The following UGT3A1 variants were observed in gnomAD, a reference collection of about 807,000 sequenced individuals.
UGT3A1 encodes UDP-glycosyltransferase 3A1.
A neutral mutation model predicts 37.6 loss-of-function variants in UGT3A1; 40 were observed. That is an observed-to-expected ratio of 1.06 (90% CI 0.83 to 1.38). The LOEUF is 1.38. UGT3A1 is among the 40% of genes most tolerant of loss of function. The pLI, the probability that UGT3A1 is intolerant of heterozygous loss-of-function variation, is 0.00. For missense variants in UGT3A1, 642 were observed against 634.2 expected, an observed-to-expected ratio of 1.01 and a Z score of -0.13; for synonymous variants, 256 against 232.3, an observed-to-expected ratio of 1.10 and a Z score of -0.93.
chr5:35,974,709 A>G (rs1264626842), intron 2 of UGT3A1, among the ~76,000 whole-genome samples: 1 of 152,216 alleles, frequency 6.6e-6, no homozygotes, highest in Admixed American at 6.5e-5. Context: ...ATATGCAACT[A>G]TTGATCTGGC....
At chr5:35,965,274 C>T (rs1739751606) in intron 4 of UGT3A1, 112 bp downstream of exon 4, 1 of 1,489,388 alleles carries the variant, frequency 6.7e-7, no homozygotes, top group Admixed American at 2.2e-5. Context: ...CTAGGTGCCT[C>T]CTTTGCCAAT....
upstream of UGT3A1, among the ~76,000 whole-genome samples, chr5:35,994,682 T>G (rs921023): frequency 0.74 from 113,106 of 151,948 alleles, 42,797 homozygotes; most frequent in South Asian, 0.89. Context: ...CCGCAACATG[T>G]GTGGACTGAA....
chr5:35,999,461 A>G (rs1358885417), intron 1 of UGT3A1, among the ~76,000 whole-genome samples: 1 of 152,180 alleles, frequency 6.6e-6, no homozygotes, highest in African/African-American at 2.4e-5. Context: ...ATGTTGAAAG[A>G]AACTGAGAGC....
At chr5:35,962,888 G>C in intron 4 of UGT3A1, 1 of 702,916 alleles carries the variant, frequency 1.4e-6, no homozygotes, top group Non-Finnish European at 2.6e-6. Context: ...AGCCATCTCA[G>C]TGGTTCAGGA....
At chr5:35,996,788 A>G (rs1741106638) in intron 2 of UGT3A1, among the ~76,000 whole-genome samples, 1 of 152,208 alleles carries the variant, frequency 6.6e-6, no homozygotes, top group Non-Finnish European at 1.5e-5. Context: ...AGAGAAGGAA[A>G]TATTAGGGGA....
intron 2 of UGT3A1, among the ~76,000 whole-genome samples, chr5:35,977,108 A>AAG (rs1476085623): frequency 2.0e-5 from 3 of 149,620 alleles, no homozygotes; most frequent in Non-Finnish European, 4.4e-5. Flanking sequence ...AAGAAAGAGA[A>AAG]AGAGAGAAAG....
chr5:35,970,068 C>T (rs1419465149), intron 2 of UGT3A1, among the ~76,000 whole-genome samples: 1 of 152,062 alleles, frequency 6.6e-6, no homozygotes. Context: ...AGAGAGAGAG[C>T]TTGTGCAGGG....
intron 2 of UGT3A1, among the ~76,000 whole-genome samples, chr5:35,977,079 A>G (rs1271858933): frequency 9.3e-6 from 1 of 107,492 alleles, no homozygotes; most frequent in Non-Finnish European, 1.9e-5. Context: ...GAAAGAAAAG[A>G]AAGAAAGAAA....
In UGT3A1 at chr5:35,965,590, G is replaced by A. The variant is rs984203677; in HGVS notation, c.639C>T (p.Ser213=). The A allele has an allele frequency of 4.3e-6, 7 of 1,614,216 alleles. No individual in the cohort carries two copies. The highest frequency in any genetic ancestry group is 5.9e-6 in the Non-Finnish European group (7 of 1,180,032). The part of the protein sequence containing the change: ...NFLMFFSFSR[S]QWDMQSTFDN... ...CAAATGTAGACTGCATGTCCCATTG[G>A]CTCCTGGAGAAACTAAAGAACATCA... Residue 213 remains serine, a synonymous_variant, in exon 4 of 7, where the codon AGC becomes AGT. Transcript: ENST00000274278.
upstream of UGT3A1, among the ~76,000 whole-genome samples, chr5:35,993,220 C>CT (rs1741003729): frequency 6.6e-6 from 1 of 152,120 alleles, no homozygotes; most frequent in African/African-American, 2.4e-5. Flanking sequence ...AATCCCAGCA[C>CT]TTTTGGAGGC....
intron 2 of UGT3A1, among the ~76,000 whole-genome samples, chr5:35,980,160 A>G (rs1740463027): frequency 6.6e-6 from 1 of 152,222 alleles, no homozygotes; most frequent in African/African-American, 2.4e-5. Flanking sequence ...TTACTTCTGT[A>G]AAATGCTTTA....
At chr5:35,962,624 G>A (rs1421100297) in intron 4 of UGT3A1, 1 of 435,210 alleles carries the variant, frequency 2.3e-6, no homozygotes, top group Non-Finnish European at 4.1e-6. Context: ...AGATTTCCCT[G>A]CAAGGTATAA....
At chr5:35,991,664 T>C (rs751084296), upstream of UGT3A1, 5 of 992,846 alleles carry the variant, frequency 5.0e-6, no homozygotes, top group Non-Finnish European at 6.0e-6. Flanking sequence ...GTTACTCTGC[T>C]TCCCTTCCAG....
At chr5:35,967,213 A>G (rs1188140959) in intron 3 of UGT3A1, among the ~76,000 whole-genome samples, 2 of 152,260 alleles carry the variant, frequency 1.3e-5, no homozygotes, top group Non-Finnish European at 2.9e-5. Context: ...GTATCAAATG[A>G]GTGCTATATG....
chr5:35,985,049 T>C (rs181975944), intron 2 of UGT3A1, among the ~76,000 whole-genome samples: 82 of 129,288 alleles, frequency 6.3e-4, no homozygotes, highest in Admixed American at 1.0e-3. Flanking sequence ...AATGGACTGA[T>C]GAATCTTACC....
chr5:35,994,426 G>A (rs369604011), upstream of UGT3A1, among the ~76,000 whole-genome samples: 2 of 150,406 alleles, frequency 1.3e-5, no homozygotes, highest in African/African-American at 4.9e-5. Context: ...TCTAGCTCAT[G>A]AGGGTGGAAT....
At chr5:35,980,593 C>T (rs1422115309) in intron 2 of UGT3A1, among the ~76,000 whole-genome samples, 1 of 152,178 alleles carries the variant, frequency 6.6e-6, no homozygotes, top group Non-Finnish European at 1.5e-5. Flanking sequence ...ACCCAGACAT[C>T]ATACAAGGCC....
intron 2 of UGT3A1, among the ~76,000 whole-genome samples, chr5:35,983,338 C>G (rs990385365): frequency 1.9e-4 from 29 of 152,108 alleles, no homozygotes; most frequent in Non-Finnish European, 3.8e-4. Flanking sequence ...TAAAACCTAC[C>G]ATGACTGAGC....
At chr5:35,965,326 C>T in intron 4 of UGT3A1, 60 bp downstream of exon 4, 1 of 1,554,654 alleles carries the variant, frequency 6.4e-7, no homozygotes, top group Admixed American at 1.9e-5. Context: ...GTGGCAGCCA[C>T]CAACTATGCA....
Sources: allele counts gnomAD v4.1 joint callset (sites outside exome capture counted in the v4.1 genomes callset), GRCh38; gene constraint gnomAD v4.1.1; transcripts MANE v1.5; gene names NCBI Gene and HGNC (gene_info 2026-07-23, HGNC 2026-07-21).